Variants in HIF3A observed in about 807,000 individuals in gnomAD.
HIF3A encodes the protein hypoxia inducible factor 3 subunit alpha.
A neutral mutation model predicts 67.2 loss-of-function variants in HIF3A; 41 were observed. The ratio of observed to expected loss-of-function variants is 0.61; its 90% CI spans 0.48 to 0.79. HIF3A has a LOEUF of 0.79. HIF3A is among the 30% of genes least tolerant of loss of function. The pLI is 0.00. For missense variants in HIF3A, 855 were observed against 898.0 expected (o/e 0.95, Z 0.61); for synonymous variants, 356 against 374.8 (o/e 0.95, Z 0.58).
At chr19:46,302,603 G>C (rs1968439890) in intron 1 of HIF3A, among the ~76,000 whole-genome samples, 2 of 152,202 alleles carry the variant, frequency 1.3e-5, no homozygotes, top group African/African-American at 4.8e-5. Flanking sequence ...GCCAGGCGTG[G>C]TGGCTTACAC....
In HIF3A at chr19:46,329,410, G is replaced by A. The variant is rs146586484; in HGVS notation, c.1644G>A (p.Arg548=). 3 of 1,603,350 alleles carry A rather than the reference G, an allele frequency of 1.9e-6. No individual in the cohort carries two copies. Among genetic ancestry groups the A allele is most frequent in the Non-Finnish European group, 1.7e-6 (2 of 1,174,014 alleles). ...TACCCCGCTGGGGGAGTGACCCCCGGCTGAGCTGCTCCAGCCCTTCCAGAG... is the reference window on the plus strand; with the variant it reads ...TACCCCGCTGGGGGAGTGACCCCCGACTGAGCTGCTCCAGCCCTTCCAGAG... ...SLLPRWGSDP[R]LSCSSPSRGD... Residue 548 remains arginine, a synonymous_variant, in exon 12 of 15, where the codon CGG becomes CGA. Coordinates refer to ENST00000377670, the MANE Select transcript of HIF3A (RefSeq NM_152795.4).
rs891662959 is a variant in HIF3A at position 46,342,966 on chromosome 19, G to A, written c.*3344G>A. The A allele has an allele frequency of 1.3e-5, 2 of 152,462 alleles. No homozygotes were observed. The highest frequency in any genetic ancestry group is 2.9e-5 in the Non-Finnish European group (2 of 68,098). The allele number at this position is 152,462 out of a possible 1,614,324, so 9.4% of individuals were successfully genotyped here. On this transcript the variant is annotated 3_prime_UTR_variant, in exon 15 of 15. Coordinates refer to ENST00000377670, the MANE Select transcript of HIF3A (RefSeq NM_152795.4). ...ACCTTGACTTTACCCCACATGTTTGGGGCACCTGGGGCTCCCTCACCCCTT... is the reference window on the plus strand; with the variant it reads ...ACCTTGACTTTACCCCACATGTTTGAGGCACCTGGGGCTCCCTCACCCCTT...
intron 11 of HIF3A, 183 bp from the exon 12 acceptor site, chr19:46,329,024 C>G (rs967150958): frequency 7.8e-6 from 4 of 510,682 alleles, no homozygotes; most frequent in African/African-American, 7.8e-5. Flanking sequence ...ATGCTTCTGA[C>G]CCAGTTTAGG....
At chr19:46,310,481 TCTTC>T (rs1373927212) in intron 6 of HIF3A, 1 of 356,506 alleles carries the variant, frequency 2.8e-6, no homozygotes, top group Non-Finnish European at 5.7e-6. Flanking sequence ...TCTCCCCCTC[TCTTC>T]CTTCTGTCCT....
rs761760817 is a variant in HIF3A at position 46,329,404 on chromosome 19, C to A, written c.1638C>A (p.Asp546Glu). 6.9e-6 allele frequency: 11 copies of A among 1,604,978 alleles called. No homozygotes were observed. Among genetic ancestry groups the A allele is most frequent in the Non-Finnish European group, 9.4e-6 (11 of 1,174,934 alleles). ...CCCTGCTACCCCGCTGGGGGAGTGA[C>A]CCCCGGCTGAGCTGCTCCAGCCCTT... is the stretch of plus-strand genomic sequence containing the variant. ...EPSLLPRWGS[D>E]PRLSCSSPSR... The change falls in exon 12 of 15, where the codon GAC (aspartate) becomes GAA (glutamate). Residue 546 changes from aspartate (D) to glutamate (E), a missense_variant. Around this residue, in one of 3 missense-constraint regions of HIF3A, gnomAD observed 199 missense variants for 193.8 expected, o/e 1.03. Transcript: ENST00000377670.
chr19:46,323,780 C>T (rs62136098), intron 10 of HIF3A, among the ~76,000 whole-genome samples: 12,879 of 152,110 alleles, frequency 0.085, 758 homozygotes, highest in Non-Finnish European at 0.13. Flanking sequence ...TGGCGGCAGG[C>T]AAGAGAGAAC....
rs75205676 is a variant in HIF3A at position 46,312,227 on chromosome 19, C to T, written c.837C>T (p.His279=). Residue 279 remains histidine, a synonymous_variant, in exon 7 of 15, where the codon CAC becomes CAT. Coordinates refer to ENST00000377670, the MANE Select transcript of HIF3A (RefSeq NM_152795.4). ...GCTGTTCCGCCTACGAGTACATCCACGCGCTGGACTCCGATGCGGTCAGCA... is the reference window on the plus strand; with the variant it reads ...GCTGTTCCGCCTACGAGTACATCCATGCGCTGGACTCCGATGCGGTCAGCA... ...LIGCSAYEYI[H]ALDSDAVSKS... 1.6e-4 allele frequency: 256 copies of T among 1,613,982 alleles called. No homozygotes were observed. Among genetic ancestry groups the T allele is most frequent in the Non-Finnish European group, 2.1e-4 (244 of 1,179,978 alleles).
At position 46,334,926 on chromosome 19, in the gene HIF3A, C is replaced by G. The variant is rs369492311; in HGVS notation, c.1852C>G (p.Pro618Ala). The G allele has an allele frequency of 1.2e-5, 20 of 1,609,552 alleles. No homozygotes were observed. The highest frequency in any genetic ancestry group is 1.6e-5 in the Non-Finnish European group (19 of 1,178,050). Residue 618 changes from proline to alanine, a missense_variant, in exon 14 of 15, where the codon CCA becomes GCA. By Grantham distance (27) the Pro-to-Ala change is conservative (BLOSUM62 -1). Transcript: ENST00000377670. The stretch of plus-strand genomic sequence containing the variant: ...ACAGAGTTTCCTTCTGACAGGAGGA[C>G]CAGCCCCAGGGAGCCTGCAGGACCC... ...LSLSFLLTGG[P>A]APGSLQDPST...
intron 4 of HIF3A, 52 bp from the exon 5 acceptor site, chr19:46,308,610 TG>T: frequency 9.0e-7 from 1 of 1,112,574 alleles, no homozygotes; most frequent in Non-Finnish European, 1.3e-6. Context: ...CGGAGGGCAC[TG>T]GGCCTGTGTG....
In HIF3A at chr19:46,339,726, C is replaced by T. The variant is rs1971866576; in HGVS notation, c.*104C>T. ...GGATGGGGGCGCCAGGAGAGGGGCCCCTCTCTCCTCTATGTACCCCCTGCC... is the reference window on the plus strand; with the variant it reads ...GGATGGGGGCGCCAGGAGAGGGGCCTCTCTCTCCTCTATGTACCCCCTGCC... On this transcript the variant is annotated 3_prime_UTR_variant, in exon 15 of 15. Transcript: ENST00000377670. The T allele has an allele frequency of 1.4e-6, 1 of 717,140 alleles. No homozygotes were observed. The allele number at this position is 717,140 out of a possible 1,614,324, so 44.4% of individuals were successfully genotyped here. A position where few individuals can be genotyped will look rare whatever the true frequency, so the allele number is the denominator to read the frequency against.
At chr19:46,326,474 C>T (rs1336387177) in intron 11 of HIF3A, among the ~76,000 whole-genome samples, 2 of 152,054 alleles carry the variant, frequency 1.3e-5, no homozygotes, top group South Asian at 2.1e-4. Flanking sequence ...AGAGTGTGAA[C>T]ATCAAGAGGC....
At chr19:46,309,736 T>C (rs1057477477) in intron 6 of HIF3A, among the ~76,000 whole-genome samples, 1 of 152,064 alleles carries the variant, frequency 6.6e-6, no homozygotes, top group Non-Finnish European at 1.5e-5. Context: ...TTTTCTTAAA[T>C]GAGTCAATTT....
At chr19:46,321,696 C>T in intron 9 of HIF3A, 80 bp from the exon 10 acceptor site, 1 of 1,257,044 alleles carries the variant, frequency 8.0e-7, no homozygotes, top group Non-Finnish European at 1.1e-6. Context: ...CAACTGTGTT[C>T]CTGGGGTTGG....
chr19:46,321,740 C>A (rs752275857), intron 9 of HIF3A, 36 bp from the exon 10 acceptor site: 2 of 1,591,840 alleles, frequency 1.3e-6, no homozygotes, highest in African/African-American at 2.7e-5. Flanking sequence ...CCTCAGTCAC[C>A]AGCCCGTGTC....
intron 8 of HIF3A, chr19:46,313,244 C>T (rs572830876): frequency 5.9e-6 from 5 of 848,564 alleles, no homozygotes; most frequent in East Asian, 1.7e-4. Context: ...GAGCGAGACT[C>T]TGTCTCAAAC....
chr19:46,335,776 G>A (rs1971565888), intron 14 of HIF3A, among the ~76,000 whole-genome samples: 1 of 151,988 alleles, frequency 6.6e-6, no homozygotes, highest in African/African-American at 2.4e-5. Context: ...AGTGTTTCCT[G>A]CCTGTAATCA....
rs767699026 is a variant in HIF3A at position 46,304,092 on chromosome 19, A to G, written c.217+4A>G. The G allele has an allele frequency of 6.4e-7, 1 of 1,554,880 alleles. No individual in the cohort carries two copies. Among genetic ancestry groups the G allele is most frequent in the Non-Finnish European group, 8.7e-7 (1 of 1,151,558 alleles). On this transcript the variant is annotated splice_donor_region_variant and intron_variant, in intron 2 of 14. Transcript: ENST00000377670. ...ATGCACCGCCTCTGCGCCGCAGGTGAGCCCCGCCCGCGGGAATTCCCGTCT... is the reference window on the plus strand; with the variant it reads ...ATGCACCGCCTCTGCGCCGCAGGTGGGCCCCGCCCGCGGGAATTCCCGTCT...
chr19:46,310,600 C>T, intron 6 of HIF3A: 1 of 456,124 alleles, frequency 2.2e-6, no homozygotes. Context: ...TATCCTTAGC[C>T]AAATGACTTC....
intron 8 of HIF3A, among the ~76,000 whole-genome samples, chr19:46,314,888 C>T (rs566973739): frequency 6.8e-6 from 1 of 146,388 alleles, no homozygotes; most frequent in Non-Finnish European, 1.5e-5. Context: ...CAAAAATATT[C>T]TCTTGTAGTA....
Sources: allele counts gnomAD v4.1 joint callset (sites outside exome capture counted in the v4.1 genomes callset), GRCh38; gene constraint gnomAD v4.1.1; regional missense constraint gnomAD v4.1.1; transcripts MANE v1.5; gene names NCBI Gene and HGNC (gene_info 2026-07-23, HGNC 2026-07-21).